The following ITGAE variants were observed in gnomAD, a reference collection of about 807,000 sequenced individuals.
ITGAE encodes the protein integrin subunit alpha E.
ITGAE carries 99 observed loss-of-function variants against 136.5 expected under a neutral mutation model. The observed-to-expected ratio is 0.73, with a 90% confidence interval of 0.62 to 0.86. The LOEUF is 0.86. ITGAE is among the 40% of genes least tolerant of loss of function. The pLI is 0.00. For synonymous variants in ITGAE, 613 were observed against 591.8 expected (o/e 1.04, Z -0.52); for missense variants, 1,447 against 1,515.3 (o/e 0.95, Z 0.75).
At chr17:3,724,575 C>T (rs1205163060) in intron 26 of ITGAE, 1 of 1,614,172 alleles carries the variant, frequency 6.2e-7, no homozygotes, top group African/African-American at 1.3e-5. Context: ...CTCCCTGGAC[C>T]GAGCATCTCT....
chr17:3,727,082 G>A lies in ITGAE; in HGVS notation c.3084+837C>T, dbSNP rs536560886. Among the ~76,000 whole-genome samples the A allele has an allele frequency of 5.3e-5, 8 of 151,340 alleles. No homozygotes were observed. The East Asian group carries it at 7.8e-4, about 15-fold the overall frequency. On this transcript the variant is annotated intron_variant, in intron 26 of 30. Transcript: ENST00000263087. ...GAGTCCTTTCTGTAAATTCCTTTCC[G>A]TTTTTTGAGCCTTAACACTTATGTA...
chr17:3,781,396 C>T (rs1466229666), intron 1 of ITGAE, among the ~76,000 whole-genome samples: 1 of 151,904 alleles, frequency 6.6e-6, no homozygotes, highest in Non-Finnish European at 1.5e-5. Flanking sequence ...GCCGCCCAGG[C>T]TGGAGTGCAG....
Position 3,742,459 on chromosome 17 carries a change from T to TG in ITGAE, c.2448+1029_2448+1030insC, listed in dbSNP as rs572254429. On this transcript the variant is annotated intron_variant, in intron 19 of 30. Transcript: ENST00000263087. ...AAATATATATTGAAGGTTTGTGGTT[T>TG]TTTTTTTTTTTTTGAGACGGAGTCT... Among the ~76,000 whole-genome samples the TG allele has an allele frequency of 4.2e-3, 630 of 149,426 alleles. 4 individuals carry two copies. Among genetic ancestry groups the TG allele is most frequent in the Non-Finnish European group, 7.1e-3 (477 of 67,180 alleles).
intron 1 of ITGAE, among the ~76,000 whole-genome samples, chr17:3,796,170 C>CGTGTGTGTGT (rs71381510): frequency 0.26 from 33,086 of 126,532 alleles, 5,067 homozygotes; most frequent in African/African-American, 0.34. Context: ...TGTGTGCATC[C>CGTGTGTGTGT]GTGTGTGTGT....
chr17:3,795,110 G>A (rs947796857), intron 1 of ITGAE, among the ~76,000 whole-genome samples: 5 of 152,122 alleles, frequency 3.3e-5, no homozygotes, highest in Non-Finnish European at 5.9e-5. Flanking sequence ...AGTAACTCCC[G>A]GGTCCCTGAG....
chr17:3,776,258 A>C (rs796829943), intron 2 of ITGAE, among the ~76,000 whole-genome samples: 116 of 152,030 alleles, frequency 7.6e-4, no homozygotes, highest in African/African-American at 2.6e-3. Context: ...GGGTTTCACC[A>C]TGTTGGCCAG....
Position 3,762,114 on chromosome 17 carries a change from C to G in ITGAE, c.248-132G>C, listed in dbSNP as rs111311310. ...AACTGTTGGCCACTCAGAGAAGCCTCTAGAAAGCTAGAGCGGGGGCCTTCA... is the reference window on the plus strand; with the variant it reads ...AACTGTTGGCCACTCAGAGAAGCCTGTAGAAAGCTAGAGCGGGGGCCTTCA... On this transcript the variant is annotated intron_variant, in intron 3 of 30. Transcript: ENST00000263087. 8,603 of 697,148 alleles carry G rather than the reference C, an allele frequency of 0.012. 144 individuals carry two copies. Among genetic ancestry groups the G allele is most frequent in the South Asian group, 0.053 (2,935 of 55,878 alleles). The allele number at this position is 697,148 out of a possible 1,614,324, so 43.2% of individuals were successfully genotyped here.
chr17:3,754,167 C>T (rs1161384332), intron 12 of ITGAE, among the ~76,000 whole-genome samples: 2 of 152,290 alleles, frequency 1.3e-5, no homozygotes, highest in South Asian at 2.1e-4. Flanking sequence ...CAGCTTTGCT[C>T]GAAATACTCG....
intron 20 of ITGAE, 81 bp from the exon 21 acceptor site, chr17:3,735,030 G>A: frequency 2.0e-6 from 3 of 1,514,032 alleles, no homozygotes; most frequent in South Asian, 2.3e-5. Context: ...CATTCACCGA[G>A]GCTAGAGCGT....
rs2052064349 is a variant in ITGAE at position 3,757,750 on chromosome 17, T to G, written c.976A>C (p.Ile326Leu). ...ACACCCTGCATTTTGGGGGAGTTGATGACTGTCGTAAGGTTGAGGGGGTCC... is the reference window on the plus strand; with the variant it reads ...ACACCCTGCATTTTGGGGGAGTTGAGGACTGTCGTAAGGTTGAGGGGGTCC... Reference protein sequence around the residue: ...FEDPLNLTTVINSPKMQGVER... With the variant: ...FEDPLNLTTVLNSPKMQGVER... Residue 326 changes from isoleucine (I) to leucine (L), a missense_variant, in exon 9 of 31, where the codon ATC becomes CTC. By Grantham distance (5) the Ile-to-Leu change is conservative (BLOSUM62 2). Transcript: ENST00000263087. 3.1e-6 allele frequency: 5 copies of G among 1,614,022 alleles called. No individual in the cohort carries two copies. Among genetic ancestry groups the G allele is most frequent in the Non-Finnish European group, 4.2e-6 (5 of 1,180,042 alleles).
In ITGAE at chr17:3,757,850, G is replaced by A. The variant is rs1340535247; in HGVS notation, c.876C>T (p.Ile292=). The A allele has an allele frequency of 6.2e-7, 1 of 1,614,048 alleles. No individual in the cohort carries two copies. The highest frequency in any genetic ancestry group is 1.3e-5 in the African/African-American group (1 of 74,910). ...ASAMQHVLDS[I]FTSSHGSRRK... ...TCCTGGAGCCGTGGCTTGAGGTGAA[G>A]ATGCTGTCTCTAAGCAGGGGAGAGT... The change falls in exon 9 of 31, where the codon ATC becomes ATT. Residue 292 remains isoleucine (I), a synonymous_variant. Transcript: ENST00000263087.
chr17:3,721,325 G>A (rs1456757267), intron 28 of ITGAE, among the ~76,000 whole-genome samples: 2 of 131,838 alleles, frequency 1.5e-5, no homozygotes, highest in Non-Finnish European at 3.1e-5. Flanking sequence ...GGGCCGGAAT[G>A]GAGTGGCTCA....
chr17:3,727,864 ACT>A (rs1308118931), intron 26 of ITGAE, 53 bp downstream of exon 26: 33 of 1,086,886 alleles, frequency 3.0e-5, no homozygotes, highest in South Asian at 2.6e-4. Flanking sequence ...TATACTTGAG[ACT>A]CTGTAGTCAC....
intron 17 of ITGAE, among the ~76,000 whole-genome samples, chr17:3,747,572 G>A (rs1160472417): frequency 2.0e-5 from 3 of 152,184 alleles, no homozygotes; most frequent in Non-Finnish European, 4.4e-5. Context: ...GCCTCCCAAA[G>A]TGCTGGGATT....
Position 3,801,128 on chromosome 17 carries a change from G to A in ITGAE, c.17C>T (p.Thr6Ile), listed in dbSNP as rs1468551441. MWLFH[T>I]LLCIASLALL... ...GGACTTACTGGCTATGCAGAGCAGA[G>A]TGTGGAAGAGCCACATCCTTGCTGG... The change falls in exon 1 of 31, where the codon ACT becomes ATT. Residue 6 changes from threonine (T) to isoleucine (I), a missense_variant. By Grantham distance (89) the Thr-to-Ile change is moderately conservative (BLOSUM62 -1). Around this residue, in one of 3 missense-constraint regions of ITGAE, gnomAD observed 106 missense variants for 87.8 expected, o/e 1.21. Transcript: ENST00000263087. The A allele has an allele frequency of 1.2e-6, 2 of 1,612,200 alleles. No individual in the cohort carries two copies. Among genetic ancestry groups the A allele is most frequent in the East Asian group, 2.2e-5 (1 of 44,894 alleles).
intron 11 of ITGAE, 86 bp downstream of exon 11, chr17:3,755,744 G>A (rs539445516): frequency 1.7e-5 from 19 of 1,123,016 alleles, no homozygotes; most frequent in Non-Finnish European, 2.1e-5. Context: ...CAGAGCCCTG[G>A]ATGGGAGGCA....
At chr17:3,797,379 A>T (rs1327563611) in intron 1 of ITGAE, among the ~76,000 whole-genome samples, 2 of 150,402 alleles carry the variant, frequency 1.3e-5, no homozygotes, top group East Asian at 2.0e-4. Context: ...GTTAGCCAGG[A>T]TGGTCTCGAT....
In ITGAE at chr17:3,784,042, C is replaced by T. The variant is rs532311283; in HGVS notation, c.35-6382G>A. On this transcript the variant is annotated intron_variant, in intron 1 of 30. Coordinates refer to ENST00000263087, the MANE Select transcript of ITGAE (RefSeq NM_002208.5). ...TTGGGAGGCCGAGGCGGGCGGATCA[C>T]GAGGTCAGGAGATCAAGACCATCCT... Among the ~76,000 whole-genome samples the T allele has an allele frequency of 5.9e-5, 9 of 152,238 alleles. No individual in the cohort carries two copies. In the South Asian group the frequency reaches 6.2e-4, roughly 11 times the overall value.
intron 10 of ITGAE, among the ~76,000 whole-genome samples, chr17:3,756,602 A>G (rs2052032965): frequency 6.6e-6 from 1 of 152,034 alleles, no homozygotes; most frequent in Non-Finnish European, 1.5e-5. Flanking sequence ...ACAGGATTTC[A>G]CCATGTTGGC....
Sources: gnomAD v4.1 joint callset for allele counts (sites outside exome capture counted in the v4.1 genomes callset) on GRCh38, gnomAD v4.1.1 for gene constraint, gnomAD v4.1.1 regional missense constraint, MANE v1.5 for transcripts, NCBI Gene and HGNC (gene_info 2026-07-23, HGNC 2026-07-21) for gene names.